CALN1: variants seen among roughly 807,000 people sequenced by gnomAD.
CALN1 encodes calneuron 1, also known as calcium-binding protein 8.
A neutral mutation model predicts 30.6 loss-of-function variants in CALN1; 17 were observed. The ratio of observed to expected loss-of-function variants is 0.56; its 90% confidence interval spans 0.38 to 0.83. The LOEUF is 0.83. Ranked by LOEUF, CALN1 falls within the 40% of genes least tolerant of loss-of-function variation. CALN1 has a pLI of 0.00. For missense variants in CALN1, 291 were observed against 354.9 expected (o/e 0.82, Z 1.45); for synonymous variants, 156 against 131.4 (o/e 1.19, Z -1.28).
At chr7:72,119,692 C>G (rs1808244515) in intron 3 of CALN1, among the ~76,000 whole-genome samples, 1 of 152,140 alleles carries the variant, frequency 6.6e-6, no homozygotes, top group African/African-American at 2.4e-5. Flanking sequence ...AAAGGCATGT[C>G]TTGCATGGTG....
intron 4 of CALN1, among the ~76,000 whole-genome samples, chr7:72,070,024 T>C (rs1325522911): frequency 6.6e-6 from 1 of 152,106 alleles, no homozygotes; most frequent in Non-Finnish European, 1.5e-5. Flanking sequence ...AAGAGAGAGA[T>C]TCCCAGAGCC....
At chr7:72,280,061 T>G (rs1172932091) in intron 2 of CALN1, among the ~76,000 whole-genome samples, 1 of 152,212 alleles carries the variant, frequency 6.6e-6, no homozygotes, top group African/African-American at 2.4e-5. Context: ...GCATCCTACA[T>G]GCTATTTCCA....
chr7:72,445,880 C>G (rs780987885), intron 1 of CALN1, among the ~76,000 whole-genome samples: 1 of 152,154 alleles, frequency 6.6e-6, no homozygotes, highest in Non-Finnish European at 1.5e-5. Context: ...GGGGGAAAAT[C>G]TCTACTCACG....
intron 4 of CALN1, among the ~76,000 whole-genome samples, chr7:72,060,740 G>A (rs766310850): frequency 6.6e-6 from 1 of 152,022 alleles, no homozygotes; most frequent in Non-Finnish European, 1.5e-5. Context: ...CGCAAGATCT[G>A]GCTGTTTAGA....
At chr7:71,999,621 C>G (rs1799427171) in intron 5 of CALN1, among the ~76,000 whole-genome samples, 1 of 151,874 alleles carries the variant, frequency 6.6e-6, no homozygotes, top group African/African-American at 2.4e-5. Context: ...TCCCAAGTTA[C>G]TCTCCTGCCT....
chr7:72,362,463 G>A (rs1368458620), intron 2 of CALN1, among the ~76,000 whole-genome samples: 4 of 152,128 alleles, frequency 2.6e-5, no homozygotes, highest in African/African-American at 4.8e-5. Flanking sequence ...CCCTAGGAGG[G>A]TGATCTTCTC....
At chr7:72,135,473 T>G (rs1809443915) in intron 3 of CALN1, among the ~76,000 whole-genome samples, 1 of 152,172 alleles carries the variant, frequency 6.6e-6, no homozygotes, top group Non-Finnish European at 1.5e-5. Context: ...TCCTTGTACA[T>G]CTCCATTAGA....
intron 2 of CALN1, among the ~76,000 whole-genome samples, chr7:72,338,582 C>CTTTAGGA (rs199545543): frequency 6.8e-6 from 1 of 147,782 alleles, no homozygotes; most frequent in East Asian, 2.0e-4. Flanking sequence ...GGTGCCACGC[C>CTTTAGGA]TTTAGCATTT....
chr7:72,198,575 C>T (rs1791199008), intron 3 of CALN1, among the ~76,000 whole-genome samples: 1 of 152,076 alleles, frequency 6.6e-6, no homozygotes, highest in Admixed American at 6.6e-5. Context: ...TCTTTCCCGT[C>T]TGCTATAACC....
intron 5 of CALN1, among the ~76,000 whole-genome samples, chr7:71,814,027 A>C (rs1201222748): frequency 1.3e-5 from 2 of 152,046 alleles, no homozygotes; most frequent in African/African-American, 4.8e-5. Flanking sequence ...GGTGTATTAC[A>C]CAATGCCCTC....
intron 5 of CALN1, among the ~76,000 whole-genome samples, chr7:71,847,881 C>T (rs989167913): frequency 7.4e-5 from 11 of 147,812 alleles, no homozygotes; most frequent in African/African-American, 2.5e-4. Context: ...CCTTTTTGCT[C>T]GGCTCTCTCA....
At chr7:72,160,446 C>T (rs375772994) in intron 3 of CALN1, among the ~76,000 whole-genome samples, 7 of 151,780 alleles carry the variant, frequency 4.6e-5, no homozygotes, top group African/African-American at 1.7e-4. Flanking sequence ...GCCCAGCTAA[C>T]TTTTGTAGTT....
intron 2 of CALN1, among the ~76,000 whole-genome samples, chr7:72,356,879 G>A (rs2129559564): frequency 6.6e-6 from 1 of 152,106 alleles, no homozygotes; most frequent in South Asian, 2.1e-4. Flanking sequence ...AGGGCAGTGA[G>A]AAAGCTTAGA....
intron 5 of CALN1, among the ~76,000 whole-genome samples, chr7:71,890,115 T>G (rs1354817057): frequency 6.6e-6 from 1 of 152,178 alleles, no homozygotes; most frequent in African/African-American, 2.4e-5. Flanking sequence ...TATTTATTTA[T>G]TTTTTTGGAG....
At position 72,403,360 on chromosome 7, in the gene CALN1, G is replaced by A; in HGVS notation, c.10C>T (p.Pro4Ser). 1.9e-6 allele frequency: 3 copies of A among 1,547,246 alleles called. No homozygotes were observed. The highest frequency in any genetic ancestry group is 2.4e-5 in the East Asian group (1 of 40,918). The change falls in exon 2 of 7, where the codon CCA becomes TCA. Residue 4 changes from proline to serine, a missense_variant. Pro to Ser is a moderately conservative substitution (Grantham distance 74). Coordinates refer to ENST00000395275, the MANE Select transcript of CALN1 (RefSeq NM_031468.4). MRLPEQPGEGKPEN... is the reference protein window; with the variant it reads MRLSEQPGEGKPEN... ...GGCTTCCCCTCTCCGGGTTGCTCTG[G>A]CAGCCGCATCGGGGGTCCAGGGCGA...
At chr7:71,914,358 T>A (rs527642567) in intron 5 of CALN1, among the ~76,000 whole-genome samples, 30 of 152,330 alleles carry the variant, frequency 2.0e-4, no homozygotes, top group Non-Finnish European at 4.4e-4. Context: ...TCCAGCTCCA[T>A]CCTTGTCCTT....
intron 2 of CALN1, among the ~76,000 whole-genome samples, chr7:72,315,727 A>G (rs1422725620): frequency 1.3e-5 from 2 of 152,134 alleles, no homozygotes; most frequent in African/African-American, 2.4e-5. Flanking sequence ...AAATTTCAAA[A>G]AACAACGCCA....
At chr7:72,200,651 G>T (rs1213397098) in intron 3 of CALN1, among the ~76,000 whole-genome samples, 1 of 151,750 alleles carries the variant, frequency 6.6e-6, no homozygotes, top group Non-Finnish European at 1.5e-5. Context: ...TATGCCCCTG[G>T]GGGATGCGGT....
chr7:72,384,453 T>C (rs991375902), intron 2 of CALN1, among the ~76,000 whole-genome samples: 6 of 152,300 alleles, frequency 3.9e-5, no homozygotes, highest in Admixed American at 3.3e-4. Context: ...ACTTATACCT[T>C]TTTATTAATT....
Sources: gnomAD v4.1 joint callset for allele counts (sites outside exome capture counted in the v4.1 genomes callset) on GRCh38, gnomAD v4.1.1 for gene constraint, MANE v1.5 for transcripts, NCBI Gene and HGNC (gene_info 2026-07-23, HGNC 2026-07-21) for gene names.